Variants in ITGB4 observed in about 807,000 individuals in gnomAD.
ITGB4 encodes integrin beta-4.
In ITGB4, 159 loss-of-function variants were observed where a neutral mutation model predicts 207.6. That is an observed-to-expected ratio of 0.77 (90% CI 0.67 to 0.87). The LOEUF (loss-of-function observed/expected upper bound fraction) is 0.87, where lower values mean the gene tolerates loss of function less well. ITGB4 is among the 40% of genes least tolerant of loss of function. The probability of loss-of-function intolerance (pLI) is 0.00; values close to 1 mark genes in which losing one functional copy is unlikely to be tolerated. For missense variants in ITGB4, 2,278 were observed against 2,546.8 expected (o/e 0.89, Z 2.27); for synonymous variants, 1,020 against 1,062.7 (o/e 0.96, Z 0.78).
In ITGB4 at chr17:75,731,477, T is replaced by C; in HGVS notation, c.1215+109T>C. On this transcript the variant is annotated intron_variant, in intron 10 of 39. Coordinates refer to ENST00000200181, the MANE Select transcript of ITGB4 (RefSeq NM_000213.5). The surrounding 1 kb of genome is among the most constrained non-coding windows in gnomAD (Gnocchi z 6.8). ...CGTGGCCCCTGGAGTCAGGCAGGCC[T>C]GGGTGCAGATCCCTGGGCCTAGCCG... is the stretch of plus-strand genomic sequence containing the variant. 8.5e-7 allele frequency: 1 copy of C among 1,174,524 alleles called. No individual in the cohort carries two copies. Among genetic ancestry groups the C allele is most frequent in the Non-Finnish European group, 1.2e-6 (1 of 821,742 alleles). The allele number at this position is 1,174,524 out of a possible 1,614,324, so 72.8% of individuals were successfully genotyped here.
chr17:75,731,283 G>GC lies in ITGB4; in HGVS notation c.1135dup (p.Arg379ProfsTer38). ...AACCTGGACATCCGGGCCCTAGACA[G>GC]CCCCCGAGGCCTTCGGACAGAGGTC... On this transcript the variant is annotated frameshift_variant, in exon 10 of 40. Transcript: ENST00000200181. LOFTEE classifies it high-confidence loss of function. The surrounding 1 kb of genome is among the most constrained non-coding windows in gnomAD (Gnocchi z 6.8). The GC allele has an allele frequency of 6.2e-7, 1 of 1,613,560 alleles. No individual in the cohort carries two copies. The highest frequency in any genetic ancestry group is 8.5e-7 in the Non-Finnish European group (1 of 1,180,010).
chr17:75,749,423 G>A (rs1167203954), intron 27 of ITGB4, among the ~76,000 whole-genome samples: 2 of 152,106 alleles, frequency 1.3e-5, no homozygotes, highest in Non-Finnish European at 2.9e-5. Context: ...AGCTATTCCG[G>A]AGACTGAGGT....
At chr17:75,724,361 G>T (rs1254179433) in intron 1 of ITGB4, among the ~76,000 whole-genome samples, 1 of 152,246 alleles carries the variant, frequency 6.6e-6, no homozygotes, top group Non-Finnish European at 1.5e-5. Flanking sequence ...GGCTCACTGG[G>T]AGCTAAAAGG....
At chr17:75,756,142 C>T (rs900621765) in intron 35 of ITGB4, among the ~76,000 whole-genome samples, 3 of 152,200 alleles carry the variant, frequency 2.0e-5, no homozygotes, top group African/African-American at 7.2e-5. Context: ...GCCTGAGATG[C>T]CTTTGGGGGA....
At chr17:75,724,820 A>T (rs820167) in intron 2 of ITGB4, 38 bp downstream of exon 2, 11 of 1,558,740 alleles carry the variant, frequency 7.1e-6, no homozygotes, top group Non-Finnish European at 8.8e-6. Flanking sequence ...TCCTGGCAGG[A>T]TCATCCCTTG....
At chr17:75,755,549 C>T in intron 34 of ITGB4, 152 bp from the exon 35 acceptor site, 1 of 985,584 alleles carries the variant, frequency 1.0e-6, no homozygotes, top group South Asian at 1.4e-5. Flanking sequence ...TGCTGGGCAG[C>T]CTGGACAGGG....
chr17:75,749,013 C>T lies in ITGB4; in HGVS notation c.3284C>T (p.Pro1095Leu), dbSNP rs762926763. 12 of 1,612,332 alleles carry T rather than the reference C, an allele frequency of 7.4e-6. No homozygotes were observed. In the South Asian group the frequency reaches 1.1e-4, roughly 15 times the overall value. ...NPKFGAHLGQ[P>L]HSTTIIIRDP... The stretch of plus-strand genomic sequence containing the variant: ...AAGTTTGGGGCCCACCTGGGCCAGC[C>T]CCACTCCACCACCATCATCATCAGG... Residue 1095 changes from proline (P) to leucine (L), a missense_variant, in exon 27 of 40, where the codon CCC becomes CTC. Transcript: ENST00000200181.
Position 75,750,032 on chromosome 17 carries a change from G to A in ITGB4, c.3317-79G>A, listed in dbSNP as rs760896205. On this transcript the variant is annotated intron_variant, in intron 27 of 39. Coordinates refer to ENST00000200181, the MANE Select transcript of ITGB4 (RefSeq NM_000213.5). The surrounding 1 kb of genome is among the most constrained non-coding windows in gnomAD (Gnocchi z 5.5). ...GAATGCGCTGGGTAGAGCGCCCTGG[G>A]TGTTGAAGTGGGTCTCTGGCGCCCC... 4.8e-4 allele frequency: 747 copies of A among 1,570,674 alleles called. 2 individuals carry two copies. The highest frequency in any genetic ancestry group is 6.3e-4 in the Non-Finnish European group (721 of 1,141,672).
In ITGB4 at chr17:75,742,560, C is replaced by T. The variant is rs2061136785; in HGVS notation, c.2783-22C>T. On this transcript the variant is annotated intron_variant, in intron 24 of 39. Transcript: ENST00000200181. This position sits in a 1 kb window ranked among gnomAD's most constrained non-coding sequence, Gnocchi z 5.9. ...GTGTGGCCCTGTGACCCACCTCTGACCACCTCCGAACCCCCACCCAGACGC... is the reference window on the plus strand; with the variant it reads ...GTGTGGCCCTGTGACCCACCTCTGATCACCTCCGAACCCCCACCCAGACGC... 6.2e-7 allele frequency: 1 copy of T among 1,613,752 alleles called. No homozygotes were observed. The highest frequency in any genetic ancestry group is 8.5e-7 in the Non-Finnish European group (1 of 1,179,976).
Position 75,728,437 on chromosome 17 carries a change from A to G in ITGB4, c.530A>G (p.Lys177Arg). The change falls in exon 6 of 40, where the codon AAA becomes AGA. Residue 177 changes from lysine (K) to arginine (R), a missense_variant. Lys to Arg is a conservative substitution (Grantham distance 26). Coordinates refer to ENST00000200181, the MANE Select transcript of ITGB4 (RefSeq NM_000213.5). ...YTIGFGKFVDKVSVPQTDMRP... is the reference protein window; with the variant it reads ...YTIGFGKFVDRVSVPQTDMRP... ...ATTGGATTTGGCAAGTTTGTGGACA[A>G]AGTCAGCGTCCCGCAGACGGACATG... 3 of 1,614,168 alleles carry G rather than the reference A, an allele frequency of 1.9e-6. No individual in the cohort carries two copies. Among genetic ancestry groups the G allele is most frequent in the Admixed American group, 3.3e-5 (2 of 60,026 alleles).
intron 2 of ITGB4, among the ~76,000 whole-genome samples, chr17:75,725,288 A>G (rs1323362597): frequency 2.6e-5 from 4 of 152,144 alleles, no homozygotes; most frequent in African/African-American, 7.2e-5. Flanking sequence ...AGCACCAGAG[A>G]CCAGAGCCGT....
rs2060805560 is a variant in ITGB4 at position 75,729,529 on chromosome 17, G to T, written c.738+93G>T. ...GCCCCCTGGCCTGCTCTGGTGCCAG[G>T]CTCACAGGCCCTGAGGGAAAGCCTG... On this transcript the variant is annotated intron_variant, in intron 7 of 39. Coordinates refer to ENST00000200181, the MANE Select transcript of ITGB4 (RefSeq NM_000213.5). The surrounding 1 kb of genome is among the most constrained non-coding windows in gnomAD (Gnocchi z 4.4). The T allele has an allele frequency of 1.5e-6, 2 of 1,372,082 alleles. No homozygotes were observed. The highest frequency in any genetic ancestry group is 4.9e-5 in the East Asian group (2 of 40,610). 85.0% of individuals were successfully genotyped at this position (1,372,082 alleles called of 1,614,324 possible). A position where few individuals can be genotyped will look rare whatever the true frequency, so the allele number is the denominator to read the frequency against.
chr17:75,752,120 G>T, intron 30 of ITGB4, 54 bp from the exon 31 acceptor site: 7 of 1,585,944 alleles, frequency 4.4e-6, no homozygotes, highest in Non-Finnish European at 5.2e-6. Flanking sequence ...CAGGGGTGGT[G>T]TTGGGACCAG....
intron 2 of ITGB4, among the ~76,000 whole-genome samples, chr17:75,726,770 A>ACAG (rs1009502973): frequency 2.8e-4 from 42 of 150,712 alleles, no homozygotes; most frequent in African/African-American, 1.0e-3. Flanking sequence ...AACAACAACA[A>ACAG]CAAACCAAAA....
chr17:75,754,828 AGCCAACCCT>A lies in ITGB4; in HGVS notation c.4558+17_4558+25del, dbSNP rs750411606. On this transcript the variant is annotated intron_variant, in intron 34 of 39. Coordinates refer to ENST00000200181, the MANE Select transcript of ITGB4 (RefSeq NM_000213.5). Reference sequence around the variant, plus strand: ...GTCTCCTCCCACGGTGAGTGACCTCAGCCAACCCTGCCTCTCCCACTAACCCTTCCTCTC... The same window carrying A: ...GTCTCCTCCCACGGTGAGTGACCTCAGCCTCTCCCACTAACCCTTCCTCTC... 3.7e-6 allele frequency: 6 copies of A among 1,613,876 alleles called. No homozygotes were observed. The highest frequency in any genetic ancestry group is 4.2e-6 in the Non-Finnish European group (5 of 1,179,958).
chr17:75,734,236 A>G (rs905512152), intron 13 of ITGB4, among the ~76,000 whole-genome samples: 1 of 142,268 alleles, frequency 7.0e-6, no homozygotes, highest in Admixed American at 7.6e-5. Context: ...TCCTGGGTTC[A>G]GGCGATTCTC....
chr17:75,750,896 G>A lies in ITGB4; in HGVS notation c.3655+36G>A. ...GCCATGTCTGTCCATTTGTCCCCTG[G>A]CTGCCCTGATGCCAGCATGCCCAGA... is the stretch of plus-strand genomic sequence containing the variant. On this transcript the variant is annotated intron_variant, in intron 29 of 39. Transcript: ENST00000200181. The surrounding 1 kb of genome is among the most constrained non-coding windows in gnomAD (Gnocchi z 5.5). 6.2e-7 allele frequency: 1 copy of A among 1,613,338 alleles called. No homozygotes were observed. Among genetic ancestry groups the A allele is most frequent in the South Asian group, 1.1e-5 (1 of 91,082 alleles).
At chr17:75,737,040 G>A (rs1027447153) in intron 16 of ITGB4, among the ~76,000 whole-genome samples, 5 of 152,166 alleles carry the variant, frequency 3.3e-5, no homozygotes, top group Admixed American at 3.3e-4. Context: ...CCCTCCTCGA[G>A]ATCAGATACG....
intron 23 of ITGB4, among the ~76,000 whole-genome samples, chr17:75,741,956 A>C (rs1399895661): frequency 1.3e-5 from 2 of 152,230 alleles, no homozygotes; most frequent in East Asian, 3.8e-4. Flanking sequence ...TTTGCAGATG[A>C]GGAAGCTGAG....
Sources: allele counts gnomAD v4.1 joint callset (sites outside exome capture counted in the v4.1 genomes callset), GRCh38; gene constraint gnomAD v4.1.1; non-coding constraint Gnocchi (gnomAD v3.1); transcripts MANE v1.5; gene names NCBI Gene and HGNC (gene_info 2026-07-23, HGNC 2026-07-21).